The following CNTN3 variants were observed in gnomAD, a reference collection of about 807,000 sequenced individuals.
CNTN3 encodes the protein contactin 3.
CNTN3 carries 60 observed loss-of-function variants against 119.1 expected under a neutral mutation model. That is an observed-to-expected ratio of 0.50 (90% CI 0.41 to 0.62). The LOEUF is 0.62. CNTN3 is among the 20% of genes least tolerant of loss of function. CNTN3 has a pLI of 0.00. For synonymous variants in CNTN3, 450 were observed against 438.7 expected, an observed-to-expected ratio of 1.03 and a Z score of -0.32; for missense variants, 1,101 against 1,242.4, an observed-to-expected ratio of 0.89 and a Z score of 1.71.
chr3:74,464,168 GAT>G, intron 4 of CNTN3, among the ~76,000 whole-genome samples: 1 of 152,152 alleles, frequency 6.6e-6, no homozygotes, highest in Non-Finnish European at 1.5e-5. Context: ...TTGTTATAAG[GAT>G]ACAATGAGAT....
chr3:74,543,881 A>T (rs1460155381), intron 1 of CNTN3, among the ~76,000 whole-genome samples: 1 of 152,204 alleles, frequency 6.6e-6, no homozygotes, highest in Admixed American at 6.5e-5. Flanking sequence ...GTGACCACCT[A>T]ATCAAGTCTT....
At chr3:74,432,386 TA>T (rs772802742) in intron 4 of CNTN3, among the ~76,000 whole-genome samples, 8,841 of 128,876 alleles carry the variant, frequency 0.069, 650 homozygotes, top group African/African-American at 0.2. Context: ...GCCAATGAGC[TA>T]AAAAAAAAAA....
intron 4 of CNTN3, among the ~76,000 whole-genome samples, chr3:74,484,784 G>C (rs1303351334): frequency 6.6e-6 from 1 of 152,094 alleles, no homozygotes; most frequent in East Asian, 1.9e-4. Context: ...GAAGACAACA[G>C]AGCAAAACAC....
At chr3:74,502,504 T>G (rs1703183277) in intron 2 of CNTN3, among the ~76,000 whole-genome samples, 1 of 152,154 alleles carries the variant, frequency 6.6e-6, no homozygotes, top group Non-Finnish European at 1.5e-5. Flanking sequence ...TTGCTAACAT[T>G]TATTGAACCA....
chr3:74,392,723 CAA>C (rs1363432622), intron 5 of CNTN3, among the ~76,000 whole-genome samples: 2 of 151,912 alleles, frequency 1.3e-5, no homozygotes, highest in Admixed American at 1.3e-4. Context: ...ATTGGTGCTA[CAA>C]AAAGAGTATT....
At chr3:74,610,644 T>G (rs1234279636) in intron 1 of CNTN3, among the ~76,000 whole-genome samples, 1 of 151,940 alleles carries the variant, frequency 6.6e-6, no homozygotes, top group East Asian at 1.9e-4. Context: ...AGTACTAATT[T>G]AACTTACATT....
intron 5 of CNTN3, among the ~76,000 whole-genome samples, chr3:74,404,599 G>GA (rs978834095): frequency 2.6e-5 from 4 of 151,412 alleles, no homozygotes; most frequent in African/African-American, 7.3e-5. Context: ...TGCTGTATTG[G>GA]AAAAAAAATT....
At chr3:74,360,746 T>C (rs941634071) in intron 11 of CNTN3, among the ~76,000 whole-genome samples, 1 of 152,158 alleles carries the variant, frequency 6.6e-6, no homozygotes, top group African/African-American at 2.4e-5. Context: ...TTTTCTTTAC[T>C]GCTGGCCCCT....
intron 19 of CNTN3, among the ~76,000 whole-genome samples, chr3:74,293,377 G>GGC (rs1381416326): frequency 2.0e-5 from 3 of 152,112 alleles, no homozygotes; most frequent in Non-Finnish European, 4.4e-5. Context: ...CAAATATAAG[G>GGC]AGAATCTATT....
chr3:74,446,379 T>G (rs1017563806), intron 4 of CNTN3, among the ~76,000 whole-genome samples: 7 of 152,150 alleles, frequency 4.6e-5, no homozygotes, highest in African/African-American at 1.7e-4. Context: ...TTATTGAGAT[T>G]GACAGGGGAA....
intron 1 of CNTN3, 51 bp from the exon 2 acceptor site, chr3:74,521,243 C>T (rs1430769284): frequency 4.6e-6 from 2 of 432,940 alleles, no homozygotes; most frequent in Admixed American, 4.5e-5. Context: ...AAAAAAGCTG[C>T]TTTAAAAAAG....
At chr3:74,402,543 T>C (rs1459031016) in intron 5 of CNTN3, among the ~76,000 whole-genome samples, 1 of 152,168 alleles carries the variant, frequency 6.6e-6, no homozygotes, top group Non-Finnish European at 1.5e-5. Context: ...TTGTTAGCAT[T>C]CCAGCAGATA....
chr3:74,323,073 T>C (rs1336327200), intron 13 of CNTN3, among the ~76,000 whole-genome samples: 1 of 152,176 alleles, frequency 6.6e-6, no homozygotes, highest in Non-Finnish European at 1.5e-5. Flanking sequence ...AGTGGATACA[T>C]GCCATTATAC....
At chr3:74,280,712 A>G (rs77000991) in intron 20 of CNTN3, among the ~76,000 whole-genome samples, 1 of 152,210 alleles carries the variant, frequency 6.6e-6, no homozygotes, top group African/African-American at 2.4e-5. Flanking sequence ...ACTGGAGTAG[A>G]GCTCTGGGAA....
chr3:74,322,634 G>T (rs1703023986), intron 13 of CNTN3, among the ~76,000 whole-genome samples: 1 of 152,160 alleles, frequency 6.6e-6, no homozygotes, highest in African/African-American at 2.4e-5. Flanking sequence ...CAGCAATCAT[G>T]CTCTTTGGTA....
intron 5 of CNTN3, among the ~76,000 whole-genome samples, chr3:74,407,690 A>G (rs773345809): frequency 4.6e-5 from 7 of 152,092 alleles, no homozygotes; most frequent in Non-Finnish European, 8.8e-5. Flanking sequence ...CTTGGTGAGT[A>G]CAGTGACAGA....
At chr3:74,409,905 C>A (rs1252911679) in intron 5 of CNTN3, among the ~76,000 whole-genome samples, 2 of 152,156 alleles carry the variant, frequency 1.3e-5, no homozygotes, top group Admixed American at 1.3e-4. Flanking sequence ...AACAGCATTT[C>A]TTTCAATTTT....
chr3:74,521,222 TA>T (rs59140298), intron 1 of CNTN3, 30 bp from the exon 2 acceptor site: 68,567 of 314,904 alleles, frequency 0.22, 572 homozygotes, highest in East Asian at 0.26. Flanking sequence ...AGAAGTTCGT[TA>T]AAAAAAAAAA....
At chr3:74,314,464 T>C (rs574020391) in intron 13 of CNTN3, among the ~76,000 whole-genome samples, 2 of 152,278 alleles carry the variant, frequency 1.3e-5, no homozygotes, top group East Asian at 3.9e-4. Flanking sequence ...TAGCGAAATA[T>C]ATACTATGAT....
Sources: allele counts gnomAD v4.1 joint callset (sites outside exome capture counted in the v4.1 genomes callset), GRCh38; gene constraint gnomAD v4.1.1; transcripts MANE v1.5; gene names NCBI Gene and HGNC (gene_info 2026-07-23, HGNC 2026-07-21).